Variants in THNSL1 observed in about 807,000 individuals in gnomAD.
THNSL1 encodes threonine synthase-like 1.
THNSL1 carries 48 observed loss-of-function variants against 50.4 expected under a neutral mutation model. The observed-to-expected ratio is 0.95, with a 90% CI of 0.76 to 1.21. The LOEUF is 1.21. THNSL1 is among the 50% of genes most tolerant of loss of function. The probability of loss-of-function intolerance (pLI) is 0.00; values close to 1 mark genes in which losing one functional copy is unlikely to be tolerated. For missense variants in THNSL1, 896 were observed against 871.7 expected, an observed-to-expected ratio of 1.03 and a Z score of -0.35; for synonymous variants, 309 against 306.1, an observed-to-expected ratio of 1.01 and a Z score of -0.10.
the THNSL1 span, chr10:24,981,981 CAT>C: frequency 3.3e-5 from 5 of 152,280 alleles, no homozygotes; most frequent in African/African-American, 1.2e-4. Flanking sequence ...CATTAAAATA[CAT>C]GTTTGGGTAC....
chr10:25,023,947 T>C lies in THNSL1; in HGVS notation c.724T>C (p.Cys242Arg), dbSNP rs1285806140. 6.2e-7 allele frequency: 1 copy of C among 1,614,168 alleles called. No homozygotes were observed. ...AACAAGACACGTTTGGCCTGAAGACTGTGAACAGAAGGTTTCAGCAAAATT... is the reference window on the plus strand; with the variant it reads ...AACAAGACACGTTTGGCCTGAAGACCGTGAACAGAAGGTTTCAGCAAAATT... ...ISTRHVWPED[C>R]EQKVSAKFFS... Residue 242 changes from cysteine to arginine, a missense_variant, in exon 3 of 3, where the codon TGT becomes CGT. Transcript: ENST00000376356.
At chr10:25,002,665 G>A in the THNSL1 span, among the ~76,000 whole-genome samples, 5 of 152,186 alleles carry the variant, frequency 3.3e-5, no homozygotes, top group East Asian at 1.9e-4. Context: ...CAGCTATACC[G>A]CTTTTGTAAC....
At chr10:24,980,623 T>C in the THNSL1 span, among the ~76,000 whole-genome samples, 1 of 152,188 alleles carries the variant, frequency 6.6e-6, no homozygotes, top group African/African-American at 2.4e-5. Flanking sequence ...TGAATGACAA[T>C]GAGAGAGCTA....
the THNSL1 span, among the ~76,000 whole-genome samples, chr10:24,957,355 T>C: frequency 5.8e-4 from 88 of 152,348 alleles, 1 homozygote; most frequent in Non-Finnish European, 1.1e-3. Flanking sequence ...GTTGAGGTCT[T>C]ATCCAAAAAA....
the THNSL1 span, among the ~76,000 whole-genome samples, chr10:24,996,832 A>G: frequency 6.6e-6 from 1 of 152,184 alleles, no homozygotes; most frequent in Admixed American, 6.5e-5. Context: ...TAGAATTCAT[A>G]TGTTGAAGCC....
At chr10:24,954,269 T>C in the THNSL1 span, among the ~76,000 whole-genome samples, 4 of 152,126 alleles carry the variant, frequency 2.6e-5, no homozygotes, top group African/African-American at 9.7e-5. Flanking sequence ...GGAAGATCTG[T>C]GGAAGCACCT....
chr10:24,980,457 G>GT, the THNSL1 span, among the ~76,000 whole-genome samples: 8 of 151,646 alleles, frequency 5.3e-5, no homozygotes, highest in African/African-American at 1.7e-4. Context: ...ATAGCATCCT[G>GT]TTTTTTTTCT....
upstream of THNSL1, among the ~76,000 whole-genome samples, chr10:25,011,731 A>G (rs1321302139): frequency 6.6e-6 from 1 of 152,256 alleles, no homozygotes; most frequent in African/African-American, 2.4e-5. Flanking sequence ...AAATTGACAA[A>G]TGGCAACTTA....
At chr10:25,000,480 T>A in the THNSL1 span, among the ~76,000 whole-genome samples, 2 of 152,278 alleles carry the variant, frequency 1.3e-5, no homozygotes, top group Non-Finnish European at 2.9e-5. Context: ...TTGCTTTATG[T>A]ATTTTGAAAC....
At chr10:25,010,066 C>G in the THNSL1 span, among the ~76,000 whole-genome samples, 3 of 152,118 alleles carry the variant, frequency 2.0e-5, no homozygotes, top group Non-Finnish European at 2.9e-5. Flanking sequence ...GAGGTTGGAA[C>G]AGTTTGGAGG....
chr10:25,008,380 G>C, the THNSL1 span, among the ~76,000 whole-genome samples: 1 of 152,178 alleles, frequency 6.6e-6, no homozygotes, highest in Non-Finnish European at 1.5e-5. Context: ...TCTGGATCAG[G>C]AGAAAATGAC....
chr10:25,016,912 T>G (rs908657678), intron 1 of THNSL1: 6 of 152,538 alleles, frequency 3.9e-5, no homozygotes, highest in Non-Finnish European at 8.8e-5. Context: ...TGCGCGCATT[T>G]TTCCTGCTGC....
At chr10:25,008,519 G>C in the THNSL1 span, among the ~76,000 whole-genome samples, 1 of 152,182 alleles carries the variant, frequency 6.6e-6, no homozygotes, top group Non-Finnish European at 1.5e-5. Context: ...TATTGACACT[G>C]AATAAAGCAG....
upstream of THNSL1, among the ~76,000 whole-genome samples, chr10:25,014,347 T>C (rs550940347): frequency 6.6e-6 from 1 of 152,280 alleles, no homozygotes; most frequent in East Asian, 1.9e-4. Context: ...GGTGCCTCTA[T>C]TTCCTCTAAT....
At chr10:24,993,642 A>T in the THNSL1 span, among the ~76,000 whole-genome samples, 1 of 152,206 alleles carries the variant, frequency 6.6e-6, no homozygotes, top group South Asian at 2.1e-4. Context: ...TTAAAACTTA[A>T]CTCTGATAAG....
At chr10:24,967,995 ATG>A in the THNSL1 span, among the ~76,000 whole-genome samples, 36,582 of 139,174 alleles carry the variant, frequency 0.26, 4,555 homozygotes, top group East Asian at 0.44. Flanking sequence ...TATGTGTATG[ATG>A]TGTGTGTGTG....
At position 25,024,988 on chromosome 10, in the gene THNSL1, G is replaced by A; in HGVS notation, c.1765G>A (p.Glu589Lys). Residue 589 changes from glutamate to lysine, a missense_variant, in exon 3 of 3, where the codon GAA becomes AAA. Transcript: ENST00000376356. ...MANKDGQLMTELFNRLESQHH... is the reference protein window; with the variant it reads ...MANKDGQLMTKLFNRLESQHH... ...TAATAAAGATGGACAGCTAATGACA[G>A]AATTATTTAATCGATTAGAAAGTCA... 1 of 1,614,176 alleles carries A rather than the reference G, an allele frequency of 6.2e-7. No homozygotes were observed. The highest frequency in any genetic ancestry group is 8.5e-7 in the Non-Finnish European group (1 of 1,180,032).
At chr10:24,976,359 A>C in the THNSL1 span, among the ~76,000 whole-genome samples, 1 of 152,162 alleles carries the variant, frequency 6.6e-6, no homozygotes, top group Non-Finnish European at 1.5e-5. Flanking sequence ...GGAAGCAGCA[A>C]ACCCAATGCA....
the THNSL1 span, among the ~76,000 whole-genome samples, chr10:24,994,729 G>A: frequency 6.6e-6 from 1 of 152,054 alleles, no homozygotes; most frequent in Non-Finnish European, 1.5e-5. Context: ...TTATTTTAAA[G>A]ATCTGTATTT....
Sources: gnomAD v4.1 joint callset for allele counts (sites outside exome capture counted in the v4.1 genomes callset) on GRCh38, gnomAD v4.1.1 for gene constraint, MANE v1.5 for transcripts, NCBI Gene and HGNC (gene_info 2026-07-23, HGNC 2026-07-21) for gene names.